The following RGS7BP variants were observed in gnomAD, a reference collection of about 807,000 sequenced individuals.
RGS7BP encodes regulator of G protein signaling 7 binding protein, also known as regulator of G protein signaling 7-binding protein.
RGS7BP carries 9 observed loss-of-function variants against 31.3 expected under a neutral mutation model. The observed-to-expected ratio is 0.29, with a 90% confidence interval of 0.17 to 0.50. RGS7BP has a LOEUF of 0.50. Ranked by LOEUF, RGS7BP falls within the 20% of genes least tolerant of loss-of-function variation. RGS7BP has a pLI of 0.98. For synonymous variants in RGS7BP, 115 were observed against 120.1 expected (o/e 0.96, Z 0.28); for missense variants, 274 against 322.0 (o/e 0.85, Z 1.14).
Position 64,506,838 on chromosome 5 carries a change from T to C in RGS7BP, c.165+49T>C. 1 of 1,436,188 alleles carries C rather than the reference T, an allele frequency of 7.0e-7. No homozygotes were observed. Among genetic ancestry groups the C allele is most frequent in the Non-Finnish European group, 9.4e-7 (1 of 1,068,076 alleles). 89.0% of individuals were successfully genotyped at this position (1,436,188 alleles called of 1,614,324 possible). A position where few individuals can be genotyped will look rare whatever the true frequency, so the allele number is the denominator to read the frequency against. ...TTTTTTTTTTTTAATTGAGAGGGGG[T>C]GGGGGGAGTCATGTATGTTAATCAT... On this transcript the variant is annotated intron_variant, in intron 1 of 5. Coordinates refer to ENST00000334025, the MANE Select transcript of RGS7BP (RefSeq NM_001029875.3). The surrounding 1 kb of genome is among the most constrained non-coding windows in gnomAD (Gnocchi z 4.6).
chr5:64,539,353 G>T (rs116457844), intron 2 of RGS7BP, among the ~76,000 whole-genome samples: 5 of 152,120 alleles, frequency 3.3e-5, no homozygotes, highest in African/African-American at 1.2e-4. Context: ...GTTTTTCACA[G>T]AGCAAATTTT....
intron 2 of RGS7BP, among the ~76,000 whole-genome samples, chr5:64,557,018 A>G (rs1371035545): frequency 6.6e-6 from 1 of 152,198 alleles, no homozygotes; most frequent in Non-Finnish European, 1.5e-5. Context: ...TATTTTGGAA[A>G]TGTAACTTAA....
chr5:64,551,167 C>T (rs1741784495), intron 2 of RGS7BP, among the ~76,000 whole-genome samples: 1 of 151,646 alleles, frequency 6.6e-6, no homozygotes, highest in East Asian at 1.9e-4. Flanking sequence ...GAATGTTCCC[C>T]CTTCTGCCAA....
intron 2 of RGS7BP, among the ~76,000 whole-genome samples, chr5:64,517,404 G>C (rs954213854): frequency 6.6e-6 from 1 of 152,126 alleles, no homozygotes; most frequent in Non-Finnish European, 1.5e-5. Context: ...AACAACTAAC[G>C]ATCTCTGTCA....
At chr5:64,588,451 G>A (rs1481331982) in intron 3 of RGS7BP, among the ~76,000 whole-genome samples, 1 of 152,140 alleles carries the variant, frequency 6.6e-6, no homozygotes, top group East Asian at 1.9e-4. Context: ...GAATCCCTAA[G>A]CTCAGGGTTC....
At chr5:64,521,548 C>T (rs879702434) in intron 2 of RGS7BP, among the ~76,000 whole-genome samples, 59 of 152,302 alleles carry the variant, frequency 3.9e-4, no homozygotes, top group African/African-American at 1.1e-3. Context: ...TGAGCCACCG[C>T]GCCTGGCCTT....
intron 2 of RGS7BP, among the ~76,000 whole-genome samples, chr5:64,552,732 G>A (rs1741825205): frequency 6.6e-6 from 1 of 151,990 alleles, no homozygotes; most frequent in Non-Finnish European, 1.5e-5. Flanking sequence ...TGTCAATTTA[G>A]AGGCTTTTGA....
intron 3 of RGS7BP, among the ~76,000 whole-genome samples, chr5:64,577,440 G>A (rs887274596): frequency 1.3e-5 from 2 of 149,180 alleles, no homozygotes; most frequent in East Asian, 2.0e-4. Flanking sequence ...ACTCCATCTC[G>A]AAAAAAAAAT....
chr5:64,572,693 C>A (rs1742326687), intron 2 of RGS7BP, among the ~76,000 whole-genome samples: 1 of 151,980 alleles, frequency 6.6e-6, no homozygotes, highest in Admixed American at 6.6e-5. Context: ...GGCACCTATT[C>A]AGTTCTTCTT....
chr5:64,608,091 G>A lies in RGS7BP; in HGVS notation c.683-1070G>A, dbSNP rs1479042062. Among the ~76,000 whole-genome samples the A allele has an allele frequency of 2.6e-5, 4 of 152,156 alleles. No individual in the cohort carries two copies. The East Asian group carries it at 7.7e-4, about 29-fold the overall frequency. On this transcript the variant is annotated intron_variant, in intron 5 of 5. Transcript: ENST00000334025. ...TCCTTAGCCCCACTCTGGAAGGAAA[G>A]TGCAACTAGTCTTGGCGGAGCTTAG...
In RGS7BP at chr5:64,594,821, C is replaced by T. The variant is rs1351814514; in HGVS notation, c.575C>T (p.Ser192Phe). The T allele has an allele frequency of 1.2e-6, 2 of 1,613,758 alleles. No homozygotes were observed. Among genetic ancestry groups the T allele is most frequent in the Non-Finnish European group, 1.7e-6 (2 of 1,179,770 alleles). ...SSSPVDSQQH[S>F]WQVSTDIENT... is the part of the protein sequence containing the mutation. ...TCCCCCGTAGATAGTCAGCAACATT[C>T]CTGGCAGGTTTCCACAGACATTGAG... The change falls in exon 4 of 6, where the codon TCC becomes TTC. Residue 192 changes from serine (S) to phenylalanine (F), a missense_variant. Ser to Phe is a radical substitution (Grantham distance 155). Coordinates refer to ENST00000334025, the MANE Select transcript of RGS7BP (RefSeq NM_001029875.3).
chr5:64,516,842 GAGTTCC>G (rs1748989951), intron 2 of RGS7BP, among the ~76,000 whole-genome samples: 2 of 152,126 alleles, frequency 1.3e-5, no homozygotes, highest in Non-Finnish European at 2.9e-5. Flanking sequence ...GCTGATGCTT[GAGTTCC>G]ATCCCTAGAG....
chr5:64,544,003 TG>T (rs1328332437), intron 2 of RGS7BP, among the ~76,000 whole-genome samples: 1 of 152,238 alleles, frequency 6.6e-6, no homozygotes, highest in Non-Finnish European at 1.5e-5. Context: ...GCCAAAAAGA[TG>T]ATGCTTTAGG....
chr5:64,535,275 G>A (rs888429431), intron 2 of RGS7BP, among the ~76,000 whole-genome samples: 1 of 152,104 alleles, frequency 6.6e-6, no homozygotes, highest in African/African-American at 2.4e-5. Context: ...CTAGACCTCT[G>A]AATATACAGA....
chr5:64,594,983 G>A, intron 4 of RGS7BP, 126 bp downstream of exon 4: 1 of 996,504 alleles, frequency 1.0e-6, no homozygotes, highest in Non-Finnish European at 1.5e-6. Context: ...TGCCAGAGGA[G>A]CATAGTGCTG....
chr5:64,597,128 T>G (rs972978329), intron 4 of RGS7BP, among the ~76,000 whole-genome samples: 4 of 152,148 alleles, frequency 2.6e-5, no homozygotes, highest in African/African-American at 9.7e-5. Flanking sequence ...AATCTGCCCC[T>G]ATGTCCTGGG....
At chr5:64,542,156 G>A (rs1580413525) in intron 2 of RGS7BP, among the ~76,000 whole-genome samples, 1 of 152,268 alleles carries the variant, frequency 6.6e-6, no homozygotes, top group Non-Finnish European at 1.5e-5. Flanking sequence ...TGAAAGTTTA[G>A]GGTAGACTTG....
Position 64,583,869 on chromosome 5 carries a change from A to G in RGS7BP, c.463+7965A>G, listed in dbSNP as rs556272259. On this transcript the variant is annotated intron_variant, in intron 3 of 5. Coordinates refer to ENST00000334025, the MANE Select transcript of RGS7BP (RefSeq NM_001029875.3). The stretch of plus-strand genomic sequence containing the variant: ...AGGACACTATTTGTCACCTTTAGTC[A>G]ATGTAGATGTTGGCTGAAGAATAGG... Among the ~76,000 whole-genome samples the G allele has an allele frequency of 8.6e-4, 131 of 152,342 alleles. 1 individual carries two copies. Among genetic ancestry groups the G allele is most frequent in the African/African-American group, 3.0e-3 (126 of 41,574 alleles).
intron 2 of RGS7BP, 68 bp downstream of exon 2, chr5:64,507,945 A>G: frequency 2.3e-6 from 3 of 1,325,574 alleles, no homozygotes; most frequent in Non-Finnish European, 3.2e-6. Flanking sequence ...ATTTTATGGT[A>G]GTCAAGTCCT....
Sources: allele counts gnomAD v4.1 joint callset (sites outside exome capture counted in the v4.1 genomes callset), GRCh38; gene constraint gnomAD v4.1.1; non-coding constraint Gnocchi (gnomAD v3.1); transcripts MANE v1.5; gene names NCBI Gene and HGNC (gene_info 2026-07-23, HGNC 2026-07-21).